SLC13A3: variants seen among roughly 807,000 people sequenced by gnomAD.
SLC13A3 encodes the protein solute carrier family 13 member 3, also known as Na(+)/dicarboxylate cotransporter 3.
SLC13A3 carries 40 observed loss-of-function variants against 59.0 expected under a neutral mutation model. The ratio of observed to expected loss-of-function variants is 0.68; its 90% CI spans 0.53 to 0.88. The LOEUF (loss-of-function observed/expected upper bound fraction) is 0.88, where lower values mean the gene tolerates loss of function less well. Ranked by LOEUF, SLC13A3 falls within the 40% of genes least tolerant of loss-of-function variation. SLC13A3 has a pLI of 0.00. For missense variants in SLC13A3, 699 were observed against 783.2 expected, an observed-to-expected ratio of 0.89 and a Z score of 1.28; for synonymous variants, 317 against 330.3, an observed-to-expected ratio of 0.96 and a Z score of 0.44.
Position 46,681,360 on chromosome 20 carries a change from G to A in SLC13A3, c.-31+3036C>T, listed in dbSNP as rs1255944533. Among the ~76,000 whole-genome samples the A allele has an allele frequency of 2.0e-5, 3 of 152,146 alleles. No individual in the cohort carries two copies. The East Asian group carries it at 5.8e-4, about 29-fold the overall frequency. On this transcript the variant is annotated intron_variant, in intron 1 of 6. Transcript: ENST00000372121. ...AAATGAACACGTTCAAGGAAAGGAG[G>A]GAGGGAGAGAGGGGCATGGACTTGG...
intron 1 of SLC13A3, among the ~76,000 whole-genome samples, chr20:46,644,465 T>G (rs2062875210): frequency 1.3e-5 from 2 of 151,824 alleles, no homozygotes; most frequent in Admixed American, 6.6e-5. Flanking sequence ...ATTTCAAAGA[T>G]CCCAACCAGA....
Position 46,610,435 on chromosome 20 carries a change from C to T in SLC13A3, c.541+11G>A, listed in dbSNP as rs773814813. 1 of 1,606,362 alleles carries T rather than the reference C, an allele frequency of 6.2e-7. No individual in the cohort carries two copies. The highest frequency in any genetic ancestry group is 8.5e-7 in the Non-Finnish European group (1 of 1,176,548). On this transcript the variant is annotated intron_variant, in intron 3 of 12. Transcript: ENST00000279027. The stretch of plus-strand genomic sequence containing the variant: ...GGTGGATTTGGCCCCAATCCCTTAG[C>T]ACAGCCTCACCTGTGTTCTCTTCAC...
At chr20:46,578,366 A>T (rs6090518) in intron 9 of SLC13A3, among the ~76,000 whole-genome samples, 75,383 of 151,848 alleles carry the variant, frequency 0.5, 19,271 homozygotes, top group Non-Finnish European at 0.56. Flanking sequence ...CCAGGGGGGA[A>T]GTCAGGTGAT....
intron 2 of SLC13A3, among the ~76,000 whole-genome samples, chr20:46,612,097 T>TTCTTTCTC (rs1346149826): frequency 6.7e-6 from 1 of 149,940 alleles, no homozygotes; most frequent in South Asian, 2.1e-4. Flanking sequence ...TTTCTTTTCT[T>TTCTTTCTC]TCTTTCTCTC....
upstream of SLC13A3, among the ~76,000 whole-genome samples, chr20:46,673,052 C>T (rs2063102227): frequency 6.6e-6 from 1 of 152,150 alleles, no homozygotes; most frequent in Non-Finnish European, 1.5e-5. Context: ...ATGTTTAACA[C>T]TGAAACTGTG....
intron 1 of SLC13A3, among the ~76,000 whole-genome samples, chr20:46,677,284 G>A (rs1043169493): frequency 2.0e-5 from 3 of 152,080 alleles, no homozygotes; most frequent in Admixed American, 2.0e-4. Context: ...GTTTCATGAA[G>A]TTTTACAAAC....
intron 6 of SLC13A3, among the ~76,000 whole-genome samples, chr20:46,591,718 C>T (rs189200645): frequency 6.6e-6 from 1 of 152,068 alleles, no homozygotes; most frequent in Non-Finnish European, 1.5e-5. Flanking sequence ...CTCATGCCAC[C>T]CCAAATTATC....
chr20:46,640,807 T>C (rs2062840209), intron 1 of SLC13A3, among the ~76,000 whole-genome samples: 1 of 152,168 alleles, frequency 6.6e-6, no homozygotes, highest in South Asian at 2.1e-4. Flanking sequence ...ACTTCGTGTC[T>C]TCAAGGTCTG....
intron 1 of SLC13A3, among the ~76,000 whole-genome samples, chr20:46,629,064 C>A (rs2062709228): frequency 6.6e-6 from 1 of 152,196 alleles, no homozygotes. Context: ...GTGTGATTGA[C>A]ATTTCTATCT....
rs373963260 is a variant in SLC13A3, at chr20:46,636,998, A to G, written c.111+14313T>C. The stretch of plus-strand genomic sequence containing the variant: ...GTATTTTTAGTAGAGATGGGATTTC[A>G]CCATGTTGACCAGGTTGGTCTCGAT... On this transcript the variant is annotated intron_variant, in intron 1 of 12. Coordinates refer to ENST00000279027, the MANE Select transcript of SLC13A3 (RefSeq NM_022829.6). Among the ~76,000 whole-genome samples the G allele has an allele frequency of 4.6e-5, 7 of 151,794 alleles. No homozygotes were observed. In the East Asian group the frequency reaches 9.7e-4, roughly 21 times the overall value.
chr20:46,577,986 T>C (rs533814539), intron 9 of SLC13A3, among the ~76,000 whole-genome samples: 1 of 152,196 alleles, frequency 6.6e-6, no homozygotes, highest in East Asian at 1.9e-4. Context: ...TGGCTATTTA[T>C]TTATTTTTTA....
At chr20:46,592,276 C>A in intron 6 of SLC13A3, 128 bp downstream of exon 6, 1 of 1,177,328 alleles carries the variant, frequency 8.5e-7, no homozygotes, top group East Asian at 2.4e-5. Context: ...TACATACATA[C>A]ATAAAAGAAA....
chr20:46,565,853 C>T (rs1230621608), intron 11 of SLC13A3, among the ~76,000 whole-genome samples: 1 of 152,160 alleles, frequency 6.6e-6, no homozygotes, highest in African/African-American at 2.4e-5. Context: ...GTGTTGAAAC[C>T]CCTGCTTTAG....
At position 46,608,852 on chromosome 20, in the gene SLC13A3, A is replaced by C. The variant is rs555746625; in HGVS notation, c.541+1594T>G. ...AGCCACAGGGGCAGATCTGCCATCT[A>C]TCTCTCAAGATGTGGCTCCTGTCTT... On this transcript the variant is annotated intron_variant, in intron 3 of 12. Coordinates refer to ENST00000279027, the MANE Select transcript of SLC13A3 (RefSeq NM_022829.6). 2.0e-4 allele frequency: 314 copies of C among 1,538,610 alleles called. 4 individuals carry two copies. In the South Asian group the frequency reaches 3.6e-3, roughly 17 times the overall value.
At chr20:46,662,032 A>G (rs1231085555) in intron 1 of SLC13A3, among the ~76,000 whole-genome samples, 3 of 152,230 alleles carry the variant, frequency 2.0e-5, no homozygotes, top group Non-Finnish European at 4.4e-5. Flanking sequence ...TAAGCTACAC[A>G]GAAGCTCTCA....
chr20:46,572,341 G>A (rs968708599), intron 10 of SLC13A3, among the ~76,000 whole-genome samples: 1 of 152,194 alleles, frequency 6.6e-6, no homozygotes, highest in Admixed American at 6.5e-5. Context: ...GTACGGCAGA[G>A]GCTGGGGAAA....
chr20:46,568,916 A>G (rs2062005854), intron 10 of SLC13A3, among the ~76,000 whole-genome samples: 1 of 152,166 alleles, frequency 6.6e-6, no homozygotes, highest in African/African-American at 2.4e-5. Flanking sequence ...TTCCTAAGAG[A>G]GGAAAACGCC....
chr20:46,629,768 C>A (rs1207214593), intron 1 of SLC13A3, among the ~76,000 whole-genome samples: 4 of 152,034 alleles, frequency 2.6e-5, no homozygotes, highest in Non-Finnish European at 5.9e-5. Flanking sequence ...CTCTTCTTTG[C>A]CCTTTTTGTT....
chr20:46,563,361 C>T, intron 12 of SLC13A3, 53 bp downstream of exon 12: 1 of 1,585,630 alleles, frequency 6.3e-7, no homozygotes, highest in Non-Finnish European at 8.6e-7. Context: ...TTGCCCGCCC[C>T]CTTGCGGCCC....
Sources: allele counts gnomAD v4.1 joint callset (sites outside exome capture counted in the v4.1 genomes callset), GRCh38; gene constraint gnomAD v4.1.1; transcripts MANE v1.5; gene names NCBI Gene and HGNC (gene_info 2026-07-23, HGNC 2026-07-21).